The following SSBP2 variants were observed in gnomAD, a reference collection of about 807,000 sequenced individuals.
The protein encoded by SSBP2 is single-stranded DNA-binding protein 2.
SSBP2 carries 17 observed loss-of-function variants against 61.8 expected under a neutral mutation model. That is an observed-to-expected ratio of 0.28 (90% CI 0.19 to 0.41). The LOEUF is 0.41. Among genes scored for constraint, SSBP2 ranks in the 10% least tolerant of loss-of-function variants. The probability of loss-of-function intolerance (pLI) is 1.00; values close to 1 mark genes in which losing one functional copy is unlikely to be tolerated. For missense variants in SSBP2, 310 were observed against 458.7 expected, an observed-to-expected ratio of 0.68 and a Z score of 2.96; for synonymous variants, 139 against 141.3, an observed-to-expected ratio of 0.98 and a Z score of 0.12.
At chr5:81,661,370 G>A (rs1286987894) in intron 1 of SSBP2, among the ~76,000 whole-genome samples, 1 of 152,092 alleles carries the variant, frequency 6.6e-6, no homozygotes, top group Non-Finnish European at 1.5e-5. Context: ...GATATACAGA[G>A]TGGGATTGCG....
intron 4 of SSBP2, among the ~76,000 whole-genome samples, chr5:81,583,366 A>AAC (rs1297242565): frequency 3.3e-5 from 5 of 152,152 alleles, no homozygotes; most frequent in African/African-American, 1.2e-4. Flanking sequence ...GCAGTGGCTC[A>AAC]CGCTTGTAAT....
chr5:81,449,633 C>A (rs1167750027), intron 10 of SSBP2, among the ~76,000 whole-genome samples: 1 of 152,134 alleles, frequency 6.6e-6, no homozygotes. Flanking sequence ...ACCATCTATC[C>A]CAATACCTGC....
chr5:81,550,639 C>T (rs1455406767), intron 4 of SSBP2, among the ~76,000 whole-genome samples: 1 of 152,186 alleles, frequency 6.6e-6, no homozygotes, highest in Non-Finnish European at 1.5e-5. Context: ...TGACTCTCTA[C>T]ATAAATCACA....
intron 4 of SSBP2, among the ~76,000 whole-genome samples, chr5:81,607,197 T>A (rs944038698): frequency 6.6e-6 from 1 of 152,130 alleles, no homozygotes; most frequent in Non-Finnish European, 1.5e-5. Flanking sequence ...ATCTTAGGAA[T>A]GGCAAAAATA....
Position 81,622,660 on chromosome 5 carries a change from T to C in SSBP2, c.198-7103A>G, listed in dbSNP as rs182969073. 5.8e-4 allele frequency among the ~76,000 whole-genome samples: 89 copies of C among 152,316 alleles called. 1 individual carries two copies. The highest frequency in any genetic ancestry group is 1.9e-3 in the African/African-American group (77 of 41,560). On this transcript the variant is annotated intron_variant, in intron 3 of 16. Coordinates refer to ENST00000320672, the MANE Select transcript of SSBP2 (RefSeq NM_012446.5). ...TTTGCATGAAAGCTTAAAATGCATA[T>C]ATATTTTTAAGGCAGGTCACTGTGG...
At chr5:81,596,150 C>A (rs1743724204) in intron 4 of SSBP2, among the ~76,000 whole-genome samples, 1 of 152,154 alleles carries the variant, frequency 6.6e-6, no homozygotes, top group African/African-American at 2.4e-5. Context: ...TCTCAGGATA[C>A]AAAATCAATC....
rs1763450175 is a variant in SSBP2, at chr5:81,447,058, C to A, written c.724-136G>T. On this transcript the variant is annotated intron_variant, in intron 11 of 16. Transcript: ENST00000320672. ...TTCTCTAATTTATTTTCTTTGACTGCACAATCATTTCAATATTCTACAAAA... is the reference window on the plus strand; with the variant it reads ...TTCTCTAATTTATTTTCTTTGACTGAACAATCATTTCAATATTCTACAAAA... 4.9e-6 allele frequency: 3 copies of A among 610,458 alleles called. No individual in the cohort carries two copies. In the South Asian group the frequency reaches 8.4e-5, roughly 17 times the overall value. The allele number at this position is 610,458 out of a possible 1,614,324, so 37.8% of individuals were successfully genotyped here.
chr5:81,712,889 A>G (rs892618729), intron 1 of SSBP2, among the ~76,000 whole-genome samples: 1 of 151,274 alleles, frequency 6.6e-6, no homozygotes, highest in Non-Finnish European at 1.5e-5. Context: ...ATGCCCAGCT[A>G]ATTTTTTTTG....
At chr5:81,466,461 A>G (rs943112539) in intron 9 of SSBP2, among the ~76,000 whole-genome samples, 1 of 152,072 alleles carries the variant, frequency 6.6e-6, no homozygotes, top group Non-Finnish European at 1.5e-5. Flanking sequence ...ACTACCAGAG[A>G]GAATTCTTCC....
intron 2 of SSBP2, among the ~76,000 whole-genome samples, 176 bp downstream of exon 2, chr5:81,650,091 A>T (rs1335058150): frequency 6.6e-6 from 1 of 152,144 alleles, no homozygotes; most frequent in Admixed American, 6.6e-5. Flanking sequence ...GTGGCACAGA[A>T]GTGGCATGGG....
intron 5 of SSBP2, among the ~76,000 whole-genome samples, chr5:81,505,344 T>C (rs1002399797): frequency 9.2e-5 from 14 of 152,190 alleles, no homozygotes; most frequent in African/African-American, 3.4e-4. Flanking sequence ...ATAAGACAAA[T>C]TGTTCCTGAA....
intron 1 of SSBP2, among the ~76,000 whole-genome samples, chr5:81,737,095 C>T (rs1253844109): frequency 6.6e-6 from 1 of 152,102 alleles, no homozygotes; most frequent in Admixed American, 6.5e-5. Flanking sequence ...TTTCAACACC[C>T]ACCTAACTAA....
rs1774642961 is a variant in SSBP2 at position 81,581,487 on chromosome 5, ACT to A, written c.282+33984_282+33985del. 2.6e-5 allele frequency among the ~76,000 whole-genome samples: 4 copies of A among 152,306 alleles called. 1 individual carries two copies. In the South Asian group the frequency reaches 6.2e-4, roughly 24 times the overall value. ...GAAAGATCCAGTAAGAACAAGAATA[ACT>A]CTAAGTTGAAAAATTCCATTTCAAC... On this transcript the variant is annotated intron_variant, in intron 4 of 16. Transcript: ENST00000320672.
chr5:81,505,259 G>T (rs1044016843), intron 5 of SSBP2, among the ~76,000 whole-genome samples: 2 of 152,182 alleles, frequency 1.3e-5, no homozygotes, highest in Non-Finnish European at 2.9e-5. Context: ...GTGAGAGACC[G>T]TGTGACCTGC....
rs190890406 is a variant in SSBP2 at position 81,581,646 on chromosome 5, T to C, written c.282+33827A>G. 3.0e-3 allele frequency among the ~76,000 whole-genome samples: 458 copies of C among 152,298 alleles called. 4 individuals are homozygous for C. The highest frequency in any genetic ancestry group is 6.2e-3 in the Admixed American group (95 of 15,296). ...TAAGCATAGTACAATGATTAAAGTA[T>C]ATGAGTTTATGAGATAAAGTGTATT... On this transcript the variant is annotated intron_variant, in intron 4 of 16. Transcript: ENST00000320672.
intron 15 of SSBP2, among the ~76,000 whole-genome samples, chr5:81,433,438 T>C (rs1415398157): frequency 4.6e-5 from 7 of 151,974 alleles, no homozygotes; most frequent in South Asian, 2.1e-4. Context: ...TCACCACTCC[T>C]TAATCTCAAG....
chr5:81,513,040 T>C (rs75134658), intron 5 of SSBP2, among the ~76,000 whole-genome samples: 2,622 of 152,192 alleles, frequency 0.017, 35 homozygotes, highest in Non-Finnish European at 0.03. Flanking sequence ...AAATACTGTA[T>C]TGTCATTGTA....
chr5:81,583,093 T>C (rs1422733149), intron 4 of SSBP2, among the ~76,000 whole-genome samples: 2 of 151,766 alleles, frequency 1.3e-5, no homozygotes. Flanking sequence ...CCAGGCATGG[T>C]GGTATGTACC....
chr5:81,682,039 T>C (rs1752426810), intron 1 of SSBP2, among the ~76,000 whole-genome samples: 1 of 152,014 alleles, frequency 6.6e-6, no homozygotes, highest in South Asian at 2.1e-4. Flanking sequence ...AATAGGCCTA[T>C]ACCTGTATTA....
Sources: gnomAD v4.1 joint callset for allele counts (sites outside exome capture counted in the v4.1 genomes callset) on GRCh38, gnomAD v4.1.1 for gene constraint, MANE v1.5 for transcripts, NCBI Gene and HGNC (gene_info 2026-07-23, HGNC 2026-07-21) for gene names.